RSRC1: variants seen among roughly 807,000 people sequenced by gnomAD.
The protein encoded by RSRC1 is arginine and serine rich coiled-coil 1, also known as serine/Arginine-related protein 53.
RSRC1 carries 39 observed loss-of-function variants against 49.1 expected under a neutral mutation model. The observed-to-expected ratio is 0.79, with a 90% confidence interval of 0.61 to 1.04. The LOEUF is 1.04. Ranked by LOEUF, RSRC1 falls within the 50% of genes least tolerant of loss-of-function variation. RSRC1 has a pLI of 0.00. For missense variants in RSRC1, 388 were observed against 402.4 expected, an observed-to-expected ratio of 0.96 and a Z score of 0.31; for synonymous variants, 143 against 130.8, an observed-to-expected ratio of 1.09 and a Z score of -0.63.
intron 7 of RSRC1, among the ~76,000 whole-genome samples, chr3:158,464,973 A>G (rs1192373231): frequency 6.6e-6 from 1 of 152,112 alleles, no homozygotes; most frequent in Non-Finnish European, 1.5e-5. Context: ...CTCAAAAATA[A>G]TATAATTCTC....
intron 3 of RSRC1, among the ~76,000 whole-genome samples, chr3:158,182,178 G>A (rs534802104): frequency 6.6e-6 from 1 of 151,212 alleles, no homozygotes; most frequent in Non-Finnish European, 1.5e-5. Flanking sequence ...GGAGGTGAGG[G>A]AATCTTAGAT....
At chr3:158,517,468 G>C (rs1010332593) in intron 7 of RSRC1, among the ~76,000 whole-genome samples, 14 of 152,084 alleles carry the variant, frequency 9.2e-5, no homozygotes, top group African/African-American at 3.1e-4. Flanking sequence ...TAACAAGTAT[G>C]ATACTTGCTT....
At chr3:158,371,908 T>G (rs1172591728) in intron 6 of RSRC1, among the ~76,000 whole-genome samples, 7 of 151,858 alleles carry the variant, frequency 4.6e-5, no homozygotes, top group African/African-American at 1.7e-4. Context: ...TCAGTGGGTG[T>G]GTAGATGTCT....
intron 3 of RSRC1, among the ~76,000 whole-genome samples, chr3:158,143,258 G>C (rs1320619489): frequency 2.0e-5 from 3 of 152,126 alleles, no homozygotes; most frequent in African/African-American, 7.2e-5. Context: ...TAGGTTTTGA[G>C]ATAAAATCTT....
At chr3:158,301,092 A>G (rs1160194801) in intron 5 of RSRC1, among the ~76,000 whole-genome samples, 1 of 151,912 alleles carries the variant, frequency 6.6e-6, no homozygotes, top group Admixed American at 6.6e-5. Context: ...TTCTTTTTTA[A>G]TCATTTCTTT....
rs1221548750 is a variant in RSRC1 at position 158,354,962 on chromosome 3, G to A, written c.583+54G>A. The stretch of plus-strand genomic sequence containing the variant: ...ATGAAGAAGTGACGAGTAAACCCTA[G>A]GCTGGTAGCATGCTTAGAAATGAGT... On this transcript the variant is annotated intron_variant, in intron 6 of 9. Coordinates refer to ENST00000611884, the MANE Select transcript of RSRC1 (RefSeq NM_001271838.2). The A allele has an allele frequency of 3.3e-6, 4 of 1,220,934 alleles. No homozygotes were observed. In the East Asian group the frequency reaches 8.1e-5, roughly 25 times the overall value. 75.6% of individuals were successfully genotyped at this position (1,220,934 alleles called of 1,614,324 possible). A position where few individuals can be genotyped will look rare whatever the true frequency, so the allele number is the denominator to read the frequency against.
chr3:158,151,416 C>T (rs1717531005), intron 3 of RSRC1, among the ~76,000 whole-genome samples: 1 of 152,156 alleles, frequency 6.6e-6, no homozygotes, highest in South Asian at 2.1e-4. Context: ...GAGGGCACCT[C>T]TTCAGTGAGG....
chr3:158,121,948 T>C (rs1268268823), intron 1 of RSRC1, among the ~76,000 whole-genome samples, 155 bp from the exon 2 acceptor site: 1 of 152,162 alleles, frequency 6.6e-6, no homozygotes, highest in Non-Finnish European at 1.5e-5. Flanking sequence ...CAGGTTGCAG[T>C]GAGCAATGAT....
chr3:158,393,788 C>T (rs1362821350), intron 6 of RSRC1, among the ~76,000 whole-genome samples: 1 of 151,656 alleles, frequency 6.6e-6, no homozygotes, highest in African/African-American at 2.4e-5. Context: ...TTAGGAGCTC[C>T]TCACTAACTT....
At chr3:158,285,783 A>G (rs969687684) in intron 4 of RSRC1, among the ~76,000 whole-genome samples, 1 of 152,156 alleles carries the variant, frequency 6.6e-6, no homozygotes, top group African/African-American at 2.4e-5. Flanking sequence ...CAGCTTAAGG[A>G]TATTTTGGGC....
intron 7 of RSRC1, among the ~76,000 whole-genome samples, chr3:158,491,281 A>C (rs909278176): frequency 2.0e-5 from 3 of 152,214 alleles, no homozygotes; most frequent in Non-Finnish European, 4.4e-5. Flanking sequence ...AATTTCACAA[A>C]TGTAAAAATG....
chr3:158,376,137 A>ATCCC (rs58871024), intron 6 of RSRC1, among the ~76,000 whole-genome samples: 2,592 of 88,450 alleles, frequency 0.029, 142 homozygotes, highest in African/African-American at 0.097. Context: ...GAAAGAATAT[A>ATCCC]TCCCTCCCTC....
chr3:158,292,994 T>C (rs1030877544), intron 4 of RSRC1, among the ~76,000 whole-genome samples: 6 of 152,150 alleles, frequency 3.9e-5, no homozygotes, highest in African/African-American at 1.4e-4. Flanking sequence ...CATACTGTTT[T>C]GTGTTGTATT....
At chr3:158,534,452 A>G (rs1377507905) in intron 7 of RSRC1, among the ~76,000 whole-genome samples, 1 of 151,566 alleles carries the variant, frequency 6.6e-6, no homozygotes, top group Non-Finnish European at 1.5e-5. Flanking sequence ...TTATCCATGA[A>G]CCCTAAATCC....
intron 7 of RSRC1, among the ~76,000 whole-genome samples, chr3:158,529,938 TC>T (rs34709587): frequency 2.6e-5 from 4 of 151,940 alleles, no homozygotes; most frequent in East Asian, 2.0e-4. Context: ...CATGGTAGAC[TC>T]CAGTGCCTTG....
chr3:158,257,384 C>T lies in RSRC1; in HGVS notation c.495-40655C>T, dbSNP rs74334309. ...TATCCTTTTGCGGTATTGACCTCTT[C>T]ATTATATAATGACTTTGCCTCTTGT... On this transcript the variant is annotated intron_variant, in intron 4 of 9. Transcript: ENST00000611884. Among the ~76,000 whole-genome samples, 28 of 152,226 alleles carry T rather than the reference C, an allele frequency of 1.8e-4. No individual in the cohort carries two copies. The East Asian group carries it at 3.1e-3, about 17-fold the overall frequency.
intron 5 of RSRC1, among the ~76,000 whole-genome samples, chr3:158,328,552 A>C (rs1028321362): frequency 2.6e-5 from 4 of 152,154 alleles, no homozygotes; most frequent in African/African-American, 7.2e-5. Flanking sequence ...AGAATGTTGT[A>C]TATTGGCCCC....
At chr3:158,156,474 C>T (rs1232809546) in intron 3 of RSRC1, among the ~76,000 whole-genome samples, 2 of 152,122 alleles carry the variant, frequency 1.3e-5, no homozygotes, top group Non-Finnish European at 2.9e-5. Flanking sequence ...ACTTTTCCTT[C>T]GCATTAACAA....
chr3:158,398,156 A>C (rs1200165431), intron 6 of RSRC1, among the ~76,000 whole-genome samples: 2 of 152,112 alleles, frequency 1.3e-5, no homozygotes, highest in Non-Finnish European at 2.9e-5. Context: ...GGCAGCATGA[A>C]TCTGTGGGAT....
Sources: gnomAD v4.1 joint callset for allele counts (sites outside exome capture counted in the v4.1 genomes callset) on GRCh38, gnomAD v4.1.1 for gene constraint, MANE v1.5 for transcripts, NCBI Gene and HGNC (gene_info 2026-07-23, HGNC 2026-07-21) for gene names.